PDCD10: variants seen among roughly 807,000 people sequenced by gnomAD.
The protein encoded by PDCD10 is programmed cell death 10, also known as programmed cell death protein 10.
PDCD10 carries 4 observed loss-of-function variants against 29.2 expected under a neutral mutation model. The ratio of observed to expected loss-of-function variants is 0.14; its 90% CI spans 0.07 to 0.31. The LOEUF (loss-of-function observed/expected upper bound fraction) is 0.31, where lower values mean the gene tolerates loss of function less well. PDCD10 is among the 10% of genes least tolerant of loss of function. PDCD10 has a pLI of 1.00. For synonymous variants in PDCD10, 70 were observed against 82.2 expected (o/e 0.85, Z 0.80); for missense variants, 183 against 257.9 (o/e 0.71, Z 1.99).
intron 3 of PDCD10, among the ~76,000 whole-genome samples, chr3:167,708,339 T>G (rs963297774): frequency 6.6e-6 from 1 of 152,074 alleles, no homozygotes; most frequent in African/African-American, 2.4e-5. Flanking sequence ...CACACTTTTG[T>G]GAAAGCTGTG....
chr3:167,708,307 A>T lies in PDCD10; in HGVS notation c.97-3412T>A, dbSNP rs574071406. On this transcript the variant is annotated intron_variant, in intron 3 of 8. Coordinates refer to ENST00000392750, the MANE Select transcript of PDCD10 (RefSeq NM_007217.4). The stretch of plus-strand genomic sequence containing the variant: ...AGCCATTTAGCCCTTTGGTTACTCA[A>T]GTTTTAAAAGACTCCTGCTTTCACA... 8.6e-5 allele frequency among the ~76,000 whole-genome samples: 13 copies of T among 151,058 alleles called. 1 individual carries two copies. Among genetic ancestry groups the T allele is most frequent in the Admixed American group, 7.9e-4 (12 of 15,178 alleles).
rs182366255 is a variant in PDCD10 at position 167,731,300 on chromosome 3, A to G, written c.-117+2914T>C. On this transcript the variant is annotated intron_variant, in intron 2 of 8. Transcript: ENST00000392750. ...ATCGCTTGCAAAAAGCAGGACAGTGATAAGTCTCTAAAATGCTGTGTTACA... is the reference window on the plus strand; with the variant it reads ...ATCGCTTGCAAAAAGCAGGACAGTGGTAAGTCTCTAAAATGCTGTGTTACA... Among the ~76,000 whole-genome samples the G allele has an allele frequency of 3.7e-4, 56 of 152,340 alleles. No homozygotes were observed. The East Asian group carries it at 9.8e-3, about 27-fold the overall frequency.
chr3:167,714,538 G>C (rs1442166840), intron 3 of PDCD10, among the ~76,000 whole-genome samples: 1 of 151,882 alleles, frequency 6.6e-6, no homozygotes, highest in Non-Finnish European at 1.5e-5. Flanking sequence ...TCTTATATTT[G>C]GAGAAACCTA....
rs1358466387 is a variant in PDCD10, at chr3:167,720,062, C to T, written c.96G>A (p.Glu32=). 2 of 1,577,298 alleles carry T rather than the reference C, an allele frequency of 1.3e-6. No homozygotes were observed. Among genetic ancestry groups the T allele is most frequent in the South Asian group, 1.1e-5 (1 of 90,288 alleles). Reference sequence around the variant, plus strand: ...GCAAGAACATGTTTACCCAACTCACCTCATTAAACACAGGATACATGACTG... The same window carrying T: ...GCAAGAACATGTTTACCCAACTCACTTCATTAAACACAGGATACATGACTG... ...LYAVMYPVFN[E]LERVNLSAAQ... Residue 32 remains glutamate, a splice_region_variant and synonymous_variant, in exon 3 of 9, where the codon GAG becomes GAA. Coordinates refer to ENST00000392750, the MANE Select transcript of PDCD10 (RefSeq NM_007217.4).
At chr3:167,695,872 G>A (rs1007133952) in intron 5 of PDCD10, 150 bp from the exon 6 acceptor site, 1 of 746,790 alleles carries the variant, frequency 1.3e-6, no homozygotes. Context: ...GAATTCATTA[G>A]CGTTTGACTT....
chr3:167,692,022 G>A (rs996025719), intron 6 of PDCD10, among the ~76,000 whole-genome samples: 2 of 152,166 alleles, frequency 1.3e-5, no homozygotes, highest in African/African-American at 4.8e-5. Flanking sequence ...AACCTACTTC[G>A]ATGATCTGAA....
chr3:167,719,333 G>T (rs1464732712), intron 3 of PDCD10, among the ~76,000 whole-genome samples: 2 of 152,024 alleles, frequency 1.3e-5, no homozygotes, highest in African/African-American at 2.4e-5. Context: ...ATTTGTTATA[G>T]GTAATTTTAG....
chr3:167,729,121 A>G (rs1724524987), intron 2 of PDCD10, among the ~76,000 whole-genome samples: 1 of 152,192 alleles, frequency 6.6e-6, no homozygotes, highest in South Asian at 2.1e-4. Context: ...GAGCTCTCAC[A>G]AAGAGTAGCT....
At chr3:167,700,324 G>A (rs1330986401) in intron 4 of PDCD10, among the ~76,000 whole-genome samples, 2 of 152,014 alleles carry the variant, frequency 1.3e-5, no homozygotes, top group Non-Finnish European at 2.9e-5. Flanking sequence ...TTTTCTCATC[G>A]TGTTTAGTGC....
chr3:167,729,899 TTC>T (rs1559982439), intron 2 of PDCD10, among the ~76,000 whole-genome samples: 2 of 152,176 alleles, frequency 1.3e-5, no homozygotes, highest in African/African-American at 4.8e-5. Context: ...GTTAATAAAA[TTC>T]TTTTCTTTTT....
chr3:167,717,439 T>C (rs573537697), intron 3 of PDCD10, among the ~76,000 whole-genome samples: 2 of 152,208 alleles, frequency 1.3e-5, no homozygotes, highest in Admixed American at 1.3e-4. Flanking sequence ...GGTACAATTT[T>C]GCAGATTAAT....
At chr3:167,729,564 T>G (rs1724574264) in intron 2 of PDCD10, among the ~76,000 whole-genome samples, 1 of 152,174 alleles carries the variant, frequency 6.6e-6, no homozygotes, top group Admixed American at 6.5e-5. Flanking sequence ...GTTTCCTCAT[T>G]TAAAAACTGG....
intron 6 of PDCD10, 127 bp downstream of exon 6, chr3:167,695,469 T>A (rs567342229): frequency 1.3e-5 from 11 of 838,634 alleles, no homozygotes; most frequent in African/African-American, 3.4e-5. Context: ...AATGTGGTAT[T>A]TAAAAATTTG....
chr3:167,695,050 A>AG (rs1156821570), intron 6 of PDCD10, among the ~76,000 whole-genome samples: 4 of 152,220 alleles, frequency 2.6e-5, no homozygotes, highest in Admixed American at 6.5e-5. Context: ...GTACTCCAGA[A>AG]GAGTGTCCCT....
intron 2 of PDCD10, chr3:167,725,284 A>AAAAAAAAAC: frequency 6.6e-6 from 1 of 151,822 alleles, no homozygotes; most frequent in East Asian, 1.9e-4. Flanking sequence ...AAAAAAAAAA[A>AAAAAAAAAC]AAAATCACTC....
intron 2 of PDCD10, 148 bp from the exon 3 acceptor site, chr3:167,720,421 C>T: frequency 2.4e-6 from 1 of 421,914 alleles, no homozygotes; most frequent in South Asian, 2.3e-5. Context: ...ACCTAGTTGG[C>T]AAGAAACTTA....
At chr3:167,729,558 C>T (rs1056083872) in intron 2 of PDCD10, among the ~76,000 whole-genome samples, 1 of 152,110 alleles carries the variant, frequency 6.6e-6, no homozygotes, top group Non-Finnish European at 1.5e-5. Flanking sequence ...ACTTTAGTTT[C>T]CTCATTTAAA....
intron 2 of PDCD10, among the ~76,000 whole-genome samples, chr3:167,732,000 G>A (rs1278202117): frequency 6.6e-6 from 1 of 152,154 alleles, no homozygotes; most frequent in African/African-American, 2.4e-5. Context: ...GAAAGGCATG[G>A]TAAATGAGAA....
chr3:167,721,526 A>G (rs1393520719), intron 2 of PDCD10, among the ~76,000 whole-genome samples: 2 of 152,202 alleles, frequency 1.3e-5, no homozygotes, highest in Admixed American at 6.5e-5. Flanking sequence ...TATCTGTGCC[A>G]GAATGTGTAA....
Sources: gnomAD v4.1 joint callset for allele counts (sites outside exome capture counted in the v4.1 genomes callset) on GRCh38, gnomAD v4.1.1 for gene constraint, MANE v1.5 for transcripts, NCBI Gene and HGNC (gene_info 2026-07-23, HGNC 2026-07-21) for gene names.